The following SUN2 variants were observed in gnomAD, a reference collection of about 807,000 sequenced individuals.
The protein encoded by SUN2 is SUN domain-containing protein 2.
Under a neutral mutation model 100.0 loss-of-function variants are expected in SUN2, and 60 were observed. The observed-to-expected ratio is 0.60, with a 90% confidence interval of 0.49 to 0.74. SUN2 has a LOEUF of 0.74. SUN2 is among the 30% of genes least tolerant of loss of function. SUN2 has a pLI of 0.00. For missense variants in SUN2, 834 were observed against 954.6 expected, an observed-to-expected ratio of 0.87 and a Z score of 1.66; for synonymous variants, 367 against 403.3, an observed-to-expected ratio of 0.91 and a Z score of 1.08.
rs578200202 is a variant in SUN2 at position 38,752,267 on chromosome 22, G to T, written c.122+240C>A. On this transcript the variant is annotated intron_variant, in intron 2 of 17. Transcript: ENST00000689035. ...CACCGCGCCCGACCTACCACTTCCT[G>T]TTTTCTAAGCATGAGGGCAGCAGCC... Among the ~76,000 whole-genome samples, 10 of 152,322 alleles carry T rather than the reference G, an allele frequency of 6.6e-5. No homozygotes were observed. The East Asian group carries it at 1.7e-3, about 26-fold the overall frequency.
rs1433600826 is a variant in SUN2, at chr22:38,755,653, G to A, written c.-38+110C>T. ...TGGATCCGGCCCAGCACGTCCCGGA[G>A]AGGAGGAAGCAGGCCTGGCGGCGCG... is the stretch of plus-strand genomic sequence containing the variant. On this transcript the variant is annotated intron_variant, in intron 1 of 17. Coordinates refer to ENST00000689035, the MANE Select transcript of SUN2 (RefSeq NM_015374.3). This position sits in a 1 kb window ranked among gnomAD's most constrained non-coding sequence, Gnocchi z 5.7. 3 of 969,218 alleles carry A rather than the reference G, an allele frequency of 3.1e-6. No individual in the cohort carries two copies. Among genetic ancestry groups the A allele is most frequent in the Admixed American group, 6.2e-5 (1 of 16,242 alleles). The allele number at this position is 969,218 out of a possible 1,614,324, so 60.0% of individuals were successfully genotyped here.
At chr22:38,747,769 C>G (rs1039058358) in intron 7 of SUN2, among the ~76,000 whole-genome samples, 1 of 151,590 alleles carries the variant, frequency 6.6e-6, no homozygotes, top group African/African-American at 2.4e-5. Context: ...ATGGTGAAAC[C>G]CCGTCTCTAC....
At chr22:38,748,081 C>T (rs1335196505) in intron 7 of SUN2, among the ~76,000 whole-genome samples, 1 of 151,900 alleles carries the variant, frequency 6.6e-6, no homozygotes. Context: ...TTTGGGAGGC[C>T]GAGGCAGCTG....
rs367920136 is a variant in SUN2 at position 38,751,411 on chromosome 22, G to A, written c.123-38C>T. 1.2e-4 allele frequency: 195 copies of A among 1,608,180 alleles called. 1 individual carries two copies. The African/African-American group carries it at 2.1e-3, about 18-fold the overall frequency. On this transcript the variant is annotated intron_variant, in intron 2 of 17. Coordinates refer to ENST00000689035, the MANE Select transcript of SUN2 (RefSeq NM_015374.3). ...CATGAGGGCAGAGGTAGGGAGCAGGGAGGTGAGCCCAGCCAGGAGCATGAA... is the reference window on the plus strand; with the variant it reads ...CATGAGGGCAGAGGTAGGGAGCAGGAAGGTGAGCCCAGCCAGGAGCATGAA...
rs2072799 is a variant in SUN2 at position 38,752,532 on chromosome 22, T to C, written c.97A>G (p.Thr33Ala). Residue 33 changes from threonine to alanine, a missense_variant, in exon 2 of 18, where the codon ACC becomes GCC. Thr to Ala is a moderately conservative substitution (Grantham distance 58). Transcript: ENST00000689035. ...GGSSVAGSQS[T>A]LFKDSPLRTL... ...CTGAGAGGACTGTCTTTAAACAGGG[T>C]GCTCTGACTCCCAGCCACCGAGCTC... is the stretch of plus-strand genomic sequence containing the variant. 6.1e-3 allele frequency: 9,811 copies of C among 1,613,768 alleles called. 685 individuals carry two copies. In the East Asian group the frequency reaches 0.17, roughly 28 times the overall value.
intron 6 of SUN2, among the ~76,000 whole-genome samples, chr22:38,749,277 G>A (rs1036675311): frequency 1.3e-5 from 2 of 152,162 alleles, no homozygotes; most frequent in African/African-American, 4.8e-5. Context: ...TGGTTCTGCT[G>A]GTTTAGGGAC....
intron 1 of SUN2, among the ~76,000 whole-genome samples, chr22:38,753,210 CTTTTTTTTTTT>C (rs869037443): frequency 1.5e-4 from 13 of 86,262 alleles, no homozygotes; most frequent in Non-Finnish European, 2.6e-4. Context: ...CACCTATGTT[CTTTTTTTTTTT>C]TTTTTTTTTT....
intron 1 of SUN2, chr22:38,754,762 G>A: frequency 7.8e-7 from 1 of 1,287,914 alleles, no homozygotes; most frequent in Non-Finnish European, 1.0e-6. Context: ...AGCTGCCGCT[G>A]GGAAGAACTA....
chr22:38,751,144 A>G (rs757317957), intron 3 of SUN2, 66 bp downstream of exon 3: 2 of 1,606,356 alleles, frequency 1.2e-6, no homozygotes, highest in South Asian at 2.2e-5. Flanking sequence ...TGCAGGGGAC[A>G]CTGTGAGGAG....
Position 38,740,318 on chromosome 22 carries a change from C to T in SUN2, c.1305G>A (p.Val435=). ...GGGGCAGCAGGCCCACTTCTTCCGC[C>T]ACCGAGCTCTGCTTCAGTGCCAGAG... is the stretch of plus-strand genomic sequence containing the variant. ...LAALALKQSS[V]AEEVGLLPQQ... The change falls in exon 12 of 18, where the codon GTG becomes GTA. Residue 435 remains valine, a synonymous_variant. Transcript: ENST00000689035. The surrounding 1 kb of genome is among the most constrained non-coding windows in gnomAD (Gnocchi z 4.8). 6.2e-7 allele frequency: 1 copy of T among 1,603,882 alleles called. No individual in the cohort carries two copies. Among genetic ancestry groups the T allele is most frequent in the Non-Finnish European group, 8.5e-7 (1 of 1,176,130 alleles).
intron 2 of SUN2, 127 bp from the exon 3 acceptor site, chr22:38,751,500 C>G (rs774424910): frequency 8.5e-6 from 8 of 936,730 alleles, no homozygotes; most frequent in Admixed American, 2.7e-5. Flanking sequence ...CTAGGCAACT[C>G]GCAGCTGCCA....
At chr22:38,742,834 G>T in intron 8 of SUN2, 1 of 404,092 alleles carries the variant, frequency 2.5e-6, no homozygotes, top group East Asian at 4.7e-5. Context: ...AAGGTGGGCC[G>T]GGGAGAAGGT....
At position 38,741,014 on chromosome 22, in the gene SUN2, A is replaced by T; in HGVS notation, c.1183T>A (p.Trp395Arg). The T allele has an allele frequency of 6.3e-7, 1 of 1,594,996 alleles. No homozygotes were observed. Among genetic ancestry groups the T allele is most frequent in the Non-Finnish European group, 8.5e-7 (1 of 1,170,828 alleles). ...GCTGGTGGCGCCCAGTACCTTTGCC[A>T]CTCTGACTTCAGCTGCTGGATGCGA... The part of the protein sequence containing the change: ...EARIQQLKSE[W>R]QSMTQESFQE... The change falls in exon 11 of 18, where the codon TGG becomes AGG. Residue 395 changes from tryptophan (W) to arginine (R), a missense_variant. By Grantham distance (101) the Trp-to-Arg change is moderately radical. Coordinates refer to ENST00000689035, the MANE Select transcript of SUN2 (RefSeq NM_015374.3).
In SUN2 at chr22:38,742,353, C is replaced by T. The variant is rs766230597; in HGVS notation, c.1016G>A (p.Arg339His). 5.0e-6 allele frequency: 8 copies of T among 1,611,994 alleles called. No homozygotes were observed. The highest frequency in any genetic ancestry group is 2.2e-5 in the East Asian group (1 of 44,812). The change falls in exon 9 of 18, where the codon CGT (arginine) becomes CAT (histidine). Residue 339 changes from arginine (R) to histidine (H), a missense_variant. Around this residue, in one of 3 missense-constraint regions of SUN2, gnomAD observed 559 missense variants for 597.7 expected, o/e 0.94. Transcript: ENST00000689035. ...LALLEGLVSR[R>H]EAALKEDFRR... The stretch of plus-strand genomic sequence containing the variant: ...GAAATCCTCCTTCAGGGCAGCTTCA[C>T]GGCGGCTCACTAGCCCCTCCAGCAG...
chr22:38,755,889 C>T lies in SUN2; in HGVS notation c.-164G>A. 1.0e-6 allele frequency: 1 copy of T among 982,228 alleles called. No individual in the cohort carries two copies. Among genetic ancestry groups the T allele is most frequent in the Non-Finnish European group, 1.2e-6 (1 of 828,684 alleles). The allele number at this position is 982,228 out of a possible 1,614,324, so 60.8% of individuals were successfully genotyped here. ...GCTCAGGGCGACACAGCGGCCGGGC[C>T]CGGGGCGCGCGGGCACGCGAAGAGC... is the stretch of plus-strand genomic sequence containing the variant. On this transcript the variant is annotated 5_prime_UTR_variant, in exon 1 of 18. Transcript: ENST00000689035. The surrounding 1 kb of genome is among the most constrained non-coding windows in gnomAD (Gnocchi z 5.7).
At chr22:38,754,945 C>T in intron 1 of SUN2, 1 of 1,289,340 alleles carries the variant, frequency 7.8e-7, no homozygotes, top group Non-Finnish European at 1.0e-6. Flanking sequence ...GCCCCATTCT[C>T]CAAAACAAGA....
In SUN2 at chr22:38,738,918, G is replaced by T. The variant is rs537241816; in HGVS notation, c.1734C>A (p.Gly578=). The part of the protein sequence containing the change: ...ETKTALLSLF[G]IPLWYHSQSP... Reference sequence around the variant, plus strand: ...ACTGGGAGTGGTACCACAGGGGGATGCCGAAGAGGCTGAGGAGGGCCGTCT... The same window carrying T: ...ACTGGGAGTGGTACCACAGGGGGATTCCGAAGAGGCTGAGGAGGGCCGTCT... Residue 578 remains glycine, a synonymous_variant, in exon 15 of 18, where the codon GGC becomes GGA. Coordinates refer to ENST00000689035, the MANE Select transcript of SUN2 (RefSeq NM_015374.3). This position sits in a 1 kb window ranked among gnomAD's most constrained non-coding sequence, Gnocchi z 6.6. The T allele has an allele frequency of 1.8e-5, 29 of 1,612,342 alleles. No individual in the cohort carries two copies. The highest frequency in any genetic ancestry group is 2.5e-5 in the Non-Finnish European group (29 of 1,179,024).
chr22:38,744,615 C>A (rs1055747734), intron 8 of SUN2, among the ~76,000 whole-genome samples: 1 of 152,136 alleles, frequency 6.6e-6, no homozygotes, highest in African/African-American at 2.4e-5. Flanking sequence ...AAATGTAATA[C>A]CAAGTTAAAT....
Position 38,740,570 on chromosome 22 carries a change from G to T in SUN2, c.1191-138C>A. The T allele has an allele frequency of 2.2e-6, 2 of 927,450 alleles. No individual in the cohort carries two copies. Among genetic ancestry groups the T allele is most frequent in the Non-Finnish European group, 3.1e-6 (2 of 647,854 alleles). The allele number at this position is 927,450 out of a possible 1,614,324, so 57.5% of individuals were successfully genotyped here. ...GCACTCATTGTGAACCTGAGAAGGG[G>T]CAAGGCCTCTCCTGGGGGTTCTGGC... On this transcript the variant is annotated intron_variant, in intron 11 of 17. Transcript: ENST00000689035. This position sits in a 1 kb window ranked among gnomAD's most constrained non-coding sequence, Gnocchi z 4.8.
Sources: allele counts gnomAD v4.1 joint callset (sites outside exome capture counted in the v4.1 genomes callset), GRCh38; gene constraint gnomAD v4.1.1; regional missense constraint gnomAD v4.1.1; non-coding constraint Gnocchi (gnomAD v3.1); transcripts MANE v1.5; gene names NCBI Gene and HGNC (gene_info 2026-07-23, HGNC 2026-07-21).